The following MUSK variants were observed in gnomAD, a reference collection of about 807,000 sequenced individuals.
MUSK encodes the protein muscle, skeletal receptor tyrosine-protein kinase.
MUSK carries 55 observed loss-of-function variants against 88.7 expected under a neutral mutation model. The ratio of observed to expected loss-of-function variants is 0.62; its 90% confidence interval spans 0.50 to 0.78. The LOEUF (loss-of-function observed/expected upper bound fraction) is 0.78, where lower values mean the gene tolerates loss of function less well. Among genes scored for constraint, MUSK ranks in the 30% least tolerant of loss-of-function variants. The pLI is 0.00. For missense variants in MUSK, 1,015 were observed against 1,074.3 expected (o/e 0.94, Z 0.77); for synonymous variants, 387 against 391.9 (o/e 0.99, Z 0.15).
intron 9 of MUSK, among the ~76,000 whole-genome samples, chr9:110,774,862 T>C (rs1036214775): frequency 1.1e-5 from 1 of 87,490 alleles, no homozygotes; most frequent in Non-Finnish European, 2.3e-5. Flanking sequence ...TTGTGGCATA[T>C]ATATACACAC....
Position 110,740,867 on chromosome 9 carries a change from T to C in MUSK, c.753+6492T>C, listed in dbSNP as rs1185998442. Among the ~76,000 whole-genome samples, 4 of 152,108 alleles carry C rather than the reference T, an allele frequency of 2.6e-5. No homozygotes were observed. In the East Asian group the frequency reaches 7.7e-4, roughly 29 times the overall value. ...TCGACATGGATAACCTCGAGAACAT[T>C]ATGCTAAGTGAAATAAGCCAGATAC... On this transcript the variant is annotated intron_variant, in intron 6 of 14. Coordinates refer to ENST00000374448, the MANE Select transcript of MUSK (RefSeq NM_005592.4).
At chr9:110,693,680 C>T (rs561762445) in intron 3 of MUSK, among the ~76,000 whole-genome samples, 4 of 152,320 alleles carry the variant, frequency 2.6e-5, no homozygotes, top group Admixed American at 1.3e-4. Context: ...GAATTCCTCA[C>T]CCCTCACCTA....
intron 6 of MUSK, among the ~76,000 whole-genome samples, chr9:110,738,363 C>T (rs1587975344): frequency 6.6e-6 from 1 of 152,106 alleles, no homozygotes; most frequent in East Asian, 1.9e-4. Flanking sequence ...GCATAGAGCA[C>T]TATCTTATTA....
intron 1 of MUSK, among the ~76,000 whole-genome samples, chr9:110,677,226 C>T (rs553196978): frequency 6.6e-6 from 1 of 152,288 alleles, no homozygotes; most frequent in East Asian, 1.9e-4. Flanking sequence ...CCCCTTTCTT[C>T]CCTTTTATTG....
chr9:110,771,161 C>CTTTTTTTTTT (rs34185224), intron 9 of MUSK, among the ~76,000 whole-genome samples: 19 of 96,428 alleles, frequency 2.0e-4, no homozygotes, highest in African/African-American at 4.1e-4. Flanking sequence ...TCATTTCCTT[C>CTTTTTTTTTT]TTTTTTTTTT....
intron 3 of MUSK, among the ~76,000 whole-genome samples, chr9:110,694,215 C>CA (rs1217917603): frequency 0.3 from 21,648 of 72,160 alleles, 2,622 homozygotes; most frequent in Non-Finnish European, 0.36. Flanking sequence ...ACTAAAAATA[C>CA]AAAAAAAAAA....
intron 2 of MUSK, 44 bp downstream of exon 2, chr9:110,682,844 ATAG>A (rs754719379): frequency 7.7e-6 from 11 of 1,423,768 alleles, no homozygotes; most frequent in Middle Eastern, 1.9e-4. Context: ...TTGTGGGTAT[ATAG>A]TAGGTGTATA....
At chr9:110,708,516 A>C (rs1237450459) in intron 5 of MUSK, among the ~76,000 whole-genome samples, 6 of 152,202 alleles carry the variant, frequency 3.9e-5, no homozygotes, top group Non-Finnish European at 5.9e-5. Flanking sequence ...CAAAGAAAAA[A>C]ATCACAAACC....
In MUSK at chr9:110,680,637, C is replaced by T. The variant is rs191701999; in HGVS notation, c.80-2037C>T. On this transcript the variant is annotated intron_variant, in intron 1 of 14. Transcript: ENST00000374448. ...CTGAGCTCAAGTGATCTGCCCTCCTCGGCCTCCCAAAGTGCTGGGATGACA... is the reference window on the plus strand; with the variant it reads ...CTGAGCTCAAGTGATCTGCCCTCCTTGGCCTCCCAAAGTGCTGGGATGACA... Among the ~76,000 whole-genome samples the T allele has an allele frequency of 2.4e-3, 367 of 151,948 alleles. 6 individuals are homozygous for T. The highest frequency in any genetic ancestry group is 0.022 in the South Asian group (105 of 4,814).
intron 5 of MUSK, among the ~76,000 whole-genome samples, chr9:110,723,230 T>TACACAC (rs1391888387): frequency 9.5e-4 from 54 of 57,022 alleles, no homozygotes; most frequent in African/African-American, 3.0e-3. Flanking sequence ...CTACTACATA[T>TACACAC]ACATACACAC....
At chr9:110,764,724 A>T (rs1271959084) in intron 8 of MUSK, among the ~76,000 whole-genome samples, 1 of 152,170 alleles carries the variant, frequency 6.6e-6, no homozygotes, top group Non-Finnish European at 1.5e-5. Flanking sequence ...GTCCTTAATT[A>T]TTCCAGGAAC....
At chr9:110,712,942 A>G (rs1362893527) in intron 5 of MUSK, among the ~76,000 whole-genome samples, 1 of 152,196 alleles carries the variant, frequency 6.6e-6, no homozygotes, top group Non-Finnish European at 1.5e-5. Flanking sequence ...AGGGTTATAT[A>G]CACAGGACAG....
In MUSK at chr9:110,802,013, A is replaced by G. The variant is rs894184731; in HGVS notation, c.*1025A>G. On this transcript the variant is annotated 3_prime_UTR_variant, in exon 15 of 15. Transcript: ENST00000374448. ...ATTCTCACCTATTAATATTATTACTAGAGTCTATTTAAATCTCTTAAACCA... is the reference window on the plus strand; with the variant it reads ...ATTCTCACCTATTAATATTATTACTGGAGTCTATTTAAATCTCTTAAACCA... Among the ~76,000 whole-genome samples, 1 of 152,304 alleles carries G rather than the reference A, an allele frequency of 6.6e-6. No individual in the cohort carries two copies. The highest frequency in any genetic ancestry group is 1.5e-5 in the Non-Finnish European group (1 of 68,026).
At chr9:110,752,809 C>T (rs998359054) in intron 7 of MUSK, among the ~76,000 whole-genome samples, 2 of 152,234 alleles carry the variant, frequency 1.3e-5, no homozygotes, top group African/African-American at 4.8e-5. Context: ...TTCCATGTGT[C>T]TGCCCAAATC....
intron 9 of MUSK, among the ~76,000 whole-genome samples, chr9:110,774,539 T>C (rs1451294532): frequency 6.6e-6 from 1 of 152,176 alleles, no homozygotes; most frequent in Non-Finnish European, 1.5e-5. Context: ...TTTTCATATG[T>C]CCCATATTGA....
At chr9:110,750,570 C>T (rs1220580528) in intron 7 of MUSK, among the ~76,000 whole-genome samples, 2 of 152,152 alleles carry the variant, frequency 1.3e-5, no homozygotes, top group Non-Finnish European at 1.5e-5. Context: ...CCTGTCTGTC[C>T]CTACTGTGGC....
At chr9:110,772,571 T>C (rs1260189505) in intron 9 of MUSK, among the ~76,000 whole-genome samples, 1 of 152,016 alleles carries the variant, frequency 6.6e-6, no homozygotes, top group African/African-American at 2.4e-5. Context: ...TGATATATAA[T>C]AATAAAAATT....
chr9:110,705,904 T>A (rs981984995), intron 5 of MUSK, among the ~76,000 whole-genome samples: 4 of 152,190 alleles, frequency 2.6e-5, no homozygotes, highest in Non-Finnish European at 5.9e-5. Context: ...TTGTCTGATG[T>A]CACCAGAGAA....
chr9:110,681,893 A>G (rs950936782), intron 1 of MUSK, among the ~76,000 whole-genome samples: 1 of 152,104 alleles, frequency 6.6e-6, no homozygotes, highest in African/African-American at 2.4e-5. Flanking sequence ...TTGCCCTTTA[A>G]CTGAAGGGAC....
Sources: allele counts gnomAD v4.1 joint callset (sites outside exome capture counted in the v4.1 genomes callset), GRCh38; gene constraint gnomAD v4.1.1; transcripts MANE v1.5; gene names NCBI Gene and HGNC (gene_info 2026-07-23, HGNC 2026-07-21).